The following CCNYL1 variants were observed in gnomAD, a reference collection of about 807,000 sequenced individuals.
CCNYL1 encodes the protein cyclin Y like 1, also known as cyclin-Y-like protein 1.
In CCNYL1, 16 loss-of-function variants were observed where a neutral mutation model predicts 44.2. The observed-to-expected ratio is 0.36, with a 90% CI of 0.25 to 0.55. The LOEUF is 0.55. CCNYL1 is among the 20% of genes least tolerant of loss of function. The pLI, the probability that CCNYL1 is intolerant of heterozygous loss-of-function variation, is 0.85. For missense variants in CCNYL1, 348 were observed against 451.8 expected (o/e 0.77, Z 2.08); for synonymous variants, 159 against 163.2 (o/e 0.97, Z 0.20).
At chr2:207,712,162 C>G (rs752498507) in intron 1 of CCNYL1, 46 bp downstream of exon 1, 4 of 1,525,060 alleles carry the variant, frequency 2.6e-6, no homozygotes, top group Admixed American at 1.8e-5. Context: ...CACCTCTGCC[C>G]GCCTCCTCCC....
chr2:207,714,462 C>T (rs1040297663), intron 1 of CCNYL1: 1 of 362,210 alleles, frequency 2.8e-6, no homozygotes, highest in African/African-American at 2.2e-5. Flanking sequence ...TTGCCTGGCT[C>T]CATCTTATGT....
At chr2:207,740,534 G>GC (rs951253619) in intron 5 of CCNYL1, 121 bp from the exon 6 acceptor site, 2 of 694,884 alleles carry the variant, frequency 2.9e-6, no homozygotes, top group Non-Finnish European at 5.1e-6. Context: ...ACAACTCTTT[G>GC]CTTTGGTGAA....
At chr2:207,744,094 A>T (rs1222077279) in intron 7 of CCNYL1, among the ~76,000 whole-genome samples, 2 of 152,192 alleles carry the variant, frequency 1.3e-5, no homozygotes, top group Non-Finnish European at 2.9e-5. Flanking sequence ...GGAGGGGCTC[A>T]CTATTTTAGA....
rs1264670564 is a variant in CCNYL1 at position 207,756,029 on chromosome 2, CAAA to C, written c.*2336_*2338del. The C allele has an allele frequency of 6.6e-6, 1 of 152,040 alleles. No individual in the cohort carries two copies. Among genetic ancestry groups the C allele is most frequent in the Non-Finnish European group, 1.5e-5 (1 of 68,002 alleles). 9.4% of individuals were successfully genotyped at this position (152,040 alleles called of 1,614,324 possible). A position where few individuals can be genotyped will look rare whatever the true frequency, so the allele number is the denominator to read the frequency against. ...ATACAAATATTACAATCTACCACCT[CAAA>C]AAAACAAATATTGTTTATGGAATTC... On this transcript the variant is annotated 3_prime_UTR_variant, in exon 10 of 10. Coordinates refer to ENST00000295414, the MANE Select transcript of CCNYL1 (RefSeq NM_001330218.2).
intron 1 of CCNYL1, among the ~76,000 whole-genome samples, chr2:207,715,978 G>A (rs113582144): frequency 6.6e-6 from 1 of 152,090 alleles, no homozygotes; most frequent in African/African-American, 2.4e-5. Flanking sequence ...GCCTGGTCTC[G>A]TCAAGCTAAG....
intron 2 of CCNYL1, among the ~76,000 whole-genome samples, chr2:207,725,496 A>G (rs993783660): frequency 6.6e-6 from 1 of 152,216 alleles, no homozygotes. Context: ...CATTTTAAAG[A>G]TGAATGATAG....
chr2:207,726,928 T>C lies in CCNYL1; in HGVS notation c.330+52T>C, dbSNP rs770095284. On this transcript the variant is annotated intron_variant, in intron 3 of 9. Transcript: ENST00000295414. ...AATTAACAGTTGAATTAAAAGTATG[T>C]CTGTCATGATTCCATAAAAATATAA... 3 of 1,299,222 alleles carry C rather than the reference T, an allele frequency of 2.3e-6. No individual in the cohort carries two copies. The East Asian group carries it at 7.8e-5, about 34-fold the overall frequency. 80.5% of individuals were successfully genotyped at this position (1,299,222 alleles called of 1,614,324 possible). A position where few individuals can be genotyped will look rare whatever the true frequency, so the allele number is the denominator to read the frequency against.
At chr2:207,727,694 A>G (rs1346782125) in intron 3 of CCNYL1, among the ~76,000 whole-genome samples, 2 of 152,024 alleles carry the variant, frequency 1.3e-5, no homozygotes, top group African/African-American at 4.8e-5. Flanking sequence ...AGCTTTCCTC[A>G]GCCTTTTGTC....
chr2:207,748,508 G>A (rs972361888), intron 8 of CCNYL1, among the ~76,000 whole-genome samples: 2 of 152,216 alleles, frequency 1.3e-5, no homozygotes, highest in Non-Finnish European at 2.9e-5. Context: ...AGCCAGGGAG[G>A]CATTTCCAGC....
Position 207,753,487 on chromosome 2 carries a change from T to G in CCNYL1, c.970-101T>G. The stretch of plus-strand genomic sequence containing the variant: ...CCAAAGTAGCTGTAACTGTGAACTA[T>G]CTAAAGGAGTCCACATGTGTGGCTT... On this transcript the variant is annotated intron_variant, in intron 9 of 9. Transcript: ENST00000295414. 3.9e-6 allele frequency: 3 copies of G among 763,150 alleles called. No individual in the cohort carries two copies. The East Asian group carries it at 7.3e-5, about 19-fold the overall frequency. 47.3% of individuals were successfully genotyped at this position (763,150 alleles called of 1,614,324 possible). A position where few individuals can be genotyped will look rare whatever the true frequency, so the allele number is the denominator to read the frequency against.
intron 1 of CCNYL1, among the ~76,000 whole-genome samples, chr2:207,713,098 G>T (rs1179979973): frequency 6.6e-6 from 1 of 152,228 alleles, no homozygotes; most frequent in East Asian, 1.9e-4. Context: ...ACAGGCGTGA[G>T]CCACCGCGCC....
intron 8 of CCNYL1, among the ~76,000 whole-genome samples, chr2:207,748,204 T>C (rs1165118975): frequency 6.6e-6 from 1 of 152,136 alleles, no homozygotes; most frequent in African/African-American, 2.4e-5. Context: ...ATTTAGAAAT[T>C]GGTCTCCTGA....
In CCNYL1 at chr2:207,755,510, T is replaced by C. The variant is rs1438131884; in HGVS notation, c.*1812T>C. 6.6e-6 allele frequency: 1 copy of C among 152,260 alleles called. No homozygotes were observed. Among genetic ancestry groups the C allele is most frequent in the Non-Finnish European group, 1.5e-5 (1 of 68,042 alleles). 9.4% of individuals were successfully genotyped at this position (152,260 alleles called of 1,614,324 possible). On this transcript the variant is annotated 3_prime_UTR_variant, in exon 10 of 10. Coordinates refer to ENST00000295414, the MANE Select transcript of CCNYL1 (RefSeq NM_001330218.2). ...CCTTGTATCTCCATAAAATGCCCTC[T>C]TTTTAAAAGTAGTTACCCGCAGAGC...
Position 207,755,670 on chromosome 2 carries a change from T to C in CCNYL1, c.*1972T>C, listed in dbSNP as rs536835313. ...TGAACAGCTGTTTTATCATCCTACATGCTACCAAGCTGTAGGTGTCCCATT... is the reference window on the plus strand; with the variant it reads ...TGAACAGCTGTTTTATCATCCTACACGCTACCAAGCTGTAGGTGTCCCATT... On this transcript the variant is annotated 3_prime_UTR_variant, in exon 10 of 10. Transcript: ENST00000295414. The C allele has an allele frequency of 1.3e-5, 2 of 152,366 alleles. No individual in the cohort carries two copies. Among genetic ancestry groups the C allele is most frequent in the South Asian group, 2.1e-4 (1 of 4,834 alleles). The allele number at this position is 152,366 out of a possible 1,614,324, so 9.4% of individuals were successfully genotyped here. A position where few individuals can be genotyped will look rare whatever the true frequency, so the allele number is the denominator to read the frequency against.
chr2:207,723,996 C>G (rs1165998140), intron 1 of CCNYL1, among the ~76,000 whole-genome samples: 2 of 151,318 alleles, frequency 1.3e-5, no homozygotes, highest in Non-Finnish European at 2.9e-5. Flanking sequence ...ATTCAAGAGT[C>G]TGTTTTGTAG....
Position 207,745,868 on chromosome 2 carries a change from G to A in CCNYL1, c.640-1179G>A, listed in dbSNP as rs1399013679. On this transcript the variant is annotated intron_variant, in intron 7 of 9. Coordinates refer to ENST00000295414, the MANE Select transcript of CCNYL1 (RefSeq NM_001330218.2). ...AGGCAGGAGAATCGCTTGAACCCAG[G>A]GGGCAGAGGTTGCAATGAGCCAAGA... Among the ~76,000 whole-genome samples the A allele has an allele frequency of 2.6e-5, 4 of 152,106 alleles. No homozygotes were observed. In the East Asian group the frequency reaches 7.7e-4, roughly 29 times the overall value.
At chr2:207,733,657 AT>A (rs2091745068) in intron 3 of CCNYL1, among the ~76,000 whole-genome samples, 1 of 152,202 alleles carries the variant, frequency 6.6e-6, no homozygotes, top group Non-Finnish European at 1.5e-5. Flanking sequence ...CTGAAATCTT[AT>A]TGTAAACTTT....
intron 5 of CCNYL1, among the ~76,000 whole-genome samples, chr2:207,740,311 C>G (rs976073109): frequency 6.6e-6 from 1 of 152,164 alleles, no homozygotes; most frequent in African/African-American, 2.4e-5. Context: ...TTATTGCCCA[C>G]CACTACTGCT....
At chr2:207,716,740 A>G (rs1401333327) in intron 1 of CCNYL1, among the ~76,000 whole-genome samples, 1 of 152,202 alleles carries the variant, frequency 6.6e-6, no homozygotes, top group African/African-American at 2.4e-5. Flanking sequence ...TTGATGACTG[A>G]TGCCTTGTAC....
Sources: gnomAD v4.1 joint callset for allele counts (sites outside exome capture counted in the v4.1 genomes callset) on GRCh38, gnomAD v4.1.1 for gene constraint, MANE v1.5 for transcripts, NCBI Gene and HGNC (gene_info 2026-07-23, HGNC 2026-07-21) for gene names.